ATP10A: variants seen among roughly 807,000 people sequenced by gnomAD.
ATP10A encodes the protein ATPase phospholipid transporting 10A (putative), also known as phospholipid-transporting ATPase VA.
ATP10A carries 111 observed loss-of-function variants against 147.8 expected under a neutral mutation model. That is an observed-to-expected ratio of 0.75 (90% CI 0.64 to 0.88). The LOEUF is 0.88. Ranked by LOEUF, ATP10A falls within the 40% of genes least tolerant of loss-of-function variation. ATP10A has a pLI of 0.00. For missense variants in ATP10A, 1,927 were observed against 1,959.0 expected, an observed-to-expected ratio of 0.98 and a Z score of 0.31; for synonymous variants, 875 against 841.6, an observed-to-expected ratio of 1.04 and a Z score of -0.69.
intron 2 of ATP10A, among the ~76,000 whole-genome samples, chr15:25,775,597 T>C (rs1889565561): frequency 6.6e-6 from 1 of 152,240 alleles, no homozygotes; most frequent in South Asian, 2.1e-4. Context: ...CACACACACG[T>C]GCACACATGT....
intron 4 of ATP10A, among the ~76,000 whole-genome samples, chr15:25,726,593 C>T (rs1464055563): frequency 1.3e-5 from 2 of 151,894 alleles, no homozygotes; most frequent in African/African-American, 4.8e-5. Flanking sequence ...AGGTGTGCAC[C>T]ACCACGCCCA....
intron 1 of ATP10A, among the ~76,000 whole-genome samples, chr15:25,838,581 G>A (rs578208475): frequency 2.0e-5 from 3 of 152,248 alleles, no homozygotes; most frequent in Non-Finnish European, 2.9e-5. Context: ...CTCCATCCTA[G>A]AATCATATTT....
intron 1 of ATP10A, chr15:25,862,248 A>G (rs550194853): frequency 6.3e-6 from 3 of 475,190 alleles, no homozygotes; most frequent in African/African-American, 5.9e-5. Context: ...CTGTTCAGAG[A>G]CCACTGTGCC....
chr15:25,719,041 C>T (rs533638646), intron 7 of ATP10A, among the ~76,000 whole-genome samples: 12 of 152,290 alleles, frequency 7.9e-5, no homozygotes, highest in Admixed American at 5.2e-4. Context: ...GAGGTGCCTG[C>T]GCTGTGGCTT....
intron 6 of ATP10A, among the ~76,000 whole-genome samples, chr15:25,723,593 A>G (rs1902376977): frequency 6.6e-6 from 1 of 152,032 alleles, no homozygotes; most frequent in African/African-American, 2.4e-5. Flanking sequence ...CCAAAATAAA[A>G]TCTATTTTTT....
At chr15:25,697,306 C>A (rs1900393338) in intron 13 of ATP10A, among the ~76,000 whole-genome samples, 1 of 152,128 alleles carries the variant, frequency 6.6e-6, no homozygotes, top group East Asian at 1.9e-4. Context: ...GGGTTGATCA[C>A]CTGCTTAAAA....
rs73368903 is a variant in ATP10A, at chr15:25,808,944, C to A, written c.450-27721G>T. On this transcript the variant is annotated intron_variant, in intron 1 of 20. Coordinates refer to ENST00000555815, the MANE Select transcript of ATP10A (RefSeq NM_024490.4). Reference sequence around the variant, plus strand: ...CCCCAGGCTTTGAGGGAAGACTGGACGTAGTTGGGAGGGTGTGATGCTCTC... The same window carrying A: ...CCCCAGGCTTTGAGGGAAGACTGGAAGTAGTTGGGAGGGTGTGATGCTCTC... Among the ~76,000 whole-genome samples, 551 of 152,060 alleles carry A rather than the reference C, an allele frequency of 3.6e-3. 4 individuals are homozygous for A. Among genetic ancestry groups the A allele is most frequent in the African/African-American group, 0.013 (536 of 41,452 alleles).
chr15:25,777,082 T>C (rs1889644899), intron 2 of ATP10A, among the ~76,000 whole-genome samples: 2 of 135,344 alleles, frequency 1.5e-5, no homozygotes, highest in African/African-American at 5.5e-5. Context: ...TGCATGCGTG[T>C]GTGTGCATAC....
Position 25,815,862 on chromosome 15 carries a change from G to A in ATP10A, c.450-34639C>T, listed in dbSNP as rs535486797. Among the ~76,000 whole-genome samples the A allele has an allele frequency of 4.6e-5, 7 of 152,054 alleles. No individual in the cohort carries two copies. In the East Asian group the frequency reaches 1.4e-3, roughly 29 times the overall value. On this transcript the variant is annotated intron_variant, in intron 1 of 20. Transcript: ENST00000555815. ...TTTGCTTTATATAGAGTATCTTTGT[G>A]TTTTAATTGACTTATTTTGGTTCCA...
intron 1 of ATP10A, among the ~76,000 whole-genome samples, chr15:25,824,467 C>T (rs1359020415): frequency 3.9e-4 from 36 of 91,770 alleles, no homozygotes; most frequent in African/African-American, 8.8e-4. Context: ...GAGCAAGACC[C>T]TGTCTCAAAA....
chr15:25,792,603 G>A (rs1350430388), intron 1 of ATP10A, among the ~76,000 whole-genome samples: 1 of 152,196 alleles, frequency 6.6e-6, no homozygotes, highest in Non-Finnish European at 1.5e-5. Context: ...CTATGTGGAT[G>A]TCCAACCCCA....
At chr15:25,758,701 A>ACTCATTCCGACCACCTGCTCCACC in intron 2 of ATP10A, among the ~76,000 whole-genome samples, 1 of 108,066 alleles carries the variant, frequency 9.3e-6, no homozygotes, top group African/African-American at 4.1e-5. Flanking sequence ...CTCCACCCTA[A>ACTCATTCCGACCACCTGCTCCACC]CTCATTCCGA....
intron 1 of ATP10A, among the ~76,000 whole-genome samples, chr15:25,852,882 A>G (rs997491051): frequency 5.9e-5 from 9 of 152,154 alleles, no homozygotes; most frequent in African/African-American, 2.2e-4. Flanking sequence ...TCATTCTCCC[A>G]CAGTTCTTCT....
At chr15:25,859,135 C>T (rs984887022) in intron 1 of ATP10A, among the ~76,000 whole-genome samples, 8 of 152,134 alleles carry the variant, frequency 5.3e-5, no homozygotes, top group Non-Finnish European at 8.8e-5. Context: ...CAGAACTGCC[C>T]GCCACTCTCC....
At chr15:25,715,957 G>C (rs1417481030) in intron 9 of ATP10A, among the ~76,000 whole-genome samples, 1 of 152,196 alleles carries the variant, frequency 6.6e-6, no homozygotes, top group African/African-American at 2.4e-5. Context: ...GCCCACTGTA[G>C]GGCTTTCTGG....
intron 1 of ATP10A, among the ~76,000 whole-genome samples, chr15:25,842,165 T>C (rs1050742703): frequency 3.3e-5 from 5 of 152,318 alleles, no homozygotes; most frequent in Admixed American, 2.6e-4. Context: ...CACTGGTGGC[T>C]TGGGTGTGGA....
chr15:25,672,542 ATT>A (rs1899064711), downstream of ATP10A, among the ~76,000 whole-genome samples: 1 of 152,128 alleles, frequency 6.6e-6, no homozygotes, highest in Non-Finnish European at 1.5e-5. Flanking sequence ...TCTGCCTTTA[ATT>A]TTGGGAGGAA....
At chr15:25,862,056 G>A in intron 1 of ATP10A, 1 of 332,138 alleles carries the variant, frequency 3.0e-6, no homozygotes, top group Non-Finnish European at 6.0e-6. Context: ...AATTAGGCAG[G>A]CAGCTACCGG....
chr15:25,695,141 C>T lies in ATP10A; in HGVS notation c.2766G>A (p.Ala922=), dbSNP rs146638380. Residue 922 remains alanine (A), a synonymous_variant, in exon 14 of 21, where the codon GCG becomes GCA. Coordinates refer to ENST00000555815, the MANE Select transcript of ATP10A (RefSeq NM_024490.4). The part of the protein sequence containing the change: ...VITLNATSQE[A]CAALLDQCLC... ...GGCACTGGTCTAGCAGGGCTGCACA[C>T]GCCTCCTGAAAGGGACATGAGAGGA... 2.3e-5 allele frequency: 37 copies of T among 1,608,794 alleles called. 1 individual carries two copies. The highest frequency in any genetic ancestry group is 8.8e-5 in the South Asian group (8 of 90,714).
Sources: gnomAD v4.1 joint callset for allele counts (sites outside exome capture counted in the v4.1 genomes callset) on GRCh38, gnomAD v4.1.1 for gene constraint, MANE v1.5 for transcripts, NCBI Gene and HGNC (gene_info 2026-07-23, HGNC 2026-07-21) for gene names.